ANKS1B: variants seen among roughly 807,000 people sequenced by gnomAD.
ANKS1B encodes the protein ankyrin repeat and sterile alpha motif domain containing 1B.
In ANKS1B, 36 loss-of-function variants were observed where a neutral mutation model predicts 148.3. That is an observed-to-expected ratio of 0.24 (90% CI 0.19 to 0.32). The LOEUF (loss-of-function observed/expected upper bound fraction) is 0.32. ANKS1B is among the 10% of genes least tolerant of loss of function. ANKS1B has a pLI of 1.00. For missense variants in ANKS1B, 1,157 were observed against 1,542.6 expected (o/e 0.75, Z 4.19); for synonymous variants, 542 against 560.8 (o/e 0.97, Z 0.47).
chr12:99,958,181 G>A (rs1218328568), intron 1 of ANKS1B, among the ~76,000 whole-genome samples: 25 of 132,572 alleles, frequency 1.9e-4, no homozygotes, highest in Non-Finnish European at 3.7e-4. Context: ...GGGAGAGACA[G>A]GGGCAGGCAA....
At chr12:99,424,420 C>G (rs1188690003) in intron 11 of ANKS1B, among the ~76,000 whole-genome samples, 1 of 148,540 alleles carries the variant, frequency 6.7e-6, no homozygotes, top group Non-Finnish European at 1.5e-5. Flanking sequence ...AGAATTAACT[C>G]CAGAAATAAA....
chr12:99,614,418 G>C lies in ANKS1B; in HGVS notation c.1272+40649C>G, dbSNP rs564968831. Among the ~76,000 whole-genome samples, 877 of 139,962 alleles carry C rather than the reference G, an allele frequency of 6.3e-3. 8 individuals are homozygous for C. The highest frequency in any genetic ancestry group is 0.022 in the African/African-American group (837 of 38,676). The allele number at this position is 139,962 out of a possible 152,430, so 91.8% of individuals were successfully genotyped here. ...CCACTGCAATCCAGCCTGGGTGACA[G>C]AGTGAGACTCTGTGTCAAAAAGAAA... On this transcript the variant is annotated intron_variant, in intron 9 of 26. Coordinates refer to ENST00000683438, the MANE Select transcript of ANKS1B (RefSeq NM_001352186.2).
chr12:99,948,613 G>C (rs780508534), intron 1 of ANKS1B, among the ~76,000 whole-genome samples: 17 of 152,198 alleles, frequency 1.1e-4, no homozygotes, highest in Non-Finnish European at 2.1e-4. Context: ...TCAGAGGCTG[G>C]AGTAGCTGAC....
intron 9 of ANKS1B, among the ~76,000 whole-genome samples, chr12:99,592,095 T>C (rs543595659): frequency 7.9e-5 from 12 of 152,290 alleles, no homozygotes; most frequent in African/African-American, 2.9e-4. Flanking sequence ...GCTATTATAC[T>C]TTAAGACTGT....
downstream of ANKS1B, chr12:98,743,876 A>T (rs1480989203): frequency 1.8e-6 from 1 of 560,768 alleles, no homozygotes; most frequent in African/African-American, 2.0e-5. Flanking sequence ...GCCAATTAAA[A>T]AAGTCCCTTT....
intron 12 of ANKS1B, among the ~76,000 whole-genome samples, chr12:99,249,772 T>C (rs1342759075): frequency 1.3e-5 from 2 of 152,078 alleles, no homozygotes; most frequent in Non-Finnish European, 2.9e-5. Flanking sequence ...TACCGCTCAA[T>C]CAGACTGCAG....
At chr12:98,929,883 ACTT>A (rs1184344543) in intron 17 of ANKS1B, among the ~76,000 whole-genome samples, 1 of 152,120 alleles carries the variant, frequency 6.6e-6, no homozygotes. Context: ...ATCAGGCATG[ACTT>A]CTTAGCAATG....
chr12:99,444,319 T>C (rs2152799683), intron 10 of ANKS1B, among the ~76,000 whole-genome samples: 1 of 151,936 alleles, frequency 6.6e-6, no homozygotes, highest in African/African-American at 2.4e-5. Context: ...TGAATGAAGC[T>C]TGATGAAAAA....
In ANKS1B at chr12:99,301,560, C is replaced by T. The variant is rs182457925; in HGVS notation, c.1757-54696G>A. ...AAAAGAATTTTACCACTCATTCATT[C>T]ATTCAAAATACATTTATGTATTAAA... On this transcript the variant is annotated intron_variant, in intron 12 of 26. Coordinates refer to ENST00000683438, the MANE Select transcript of ANKS1B (RefSeq NM_001352186.2). Among the ~76,000 whole-genome samples the T allele has an allele frequency of 1.6e-4, 25 of 152,196 alleles. 2 individuals are homozygous for T. The East Asian group carries it at 4.6e-3, about 28-fold the overall frequency.
chr12:99,715,673 GA>G (rs765334159), intron 8 of ANKS1B, among the ~76,000 whole-genome samples: 8 of 152,100 alleles, frequency 5.3e-5, no homozygotes, highest in Non-Finnish European at 1.2e-4. Context: ...TTTGCTCCGT[GA>G]AAAAGATCCA....
chr12:99,825,438 C>A, intron 1 of ANKS1B, 49 bp from the exon 2 acceptor site: 3 of 1,467,758 alleles, frequency 2.0e-6, no homozygotes, highest in South Asian at 2.5e-5. Flanking sequence ...CAGATCTTGC[C>A]TTGAAAAACA....
intron 17 of ANKS1B, among the ~76,000 whole-genome samples, chr12:99,052,765 G>C (rs1472050874): frequency 1.6e-5 from 2 of 126,280 alleles, no homozygotes; most frequent in African/African-American, 5.9e-5. Context: ...AAAAGAAATA[G>C]AGACAAGGAA....
At chr12:99,864,079 CAA>C (rs11445634) in intron 1 of ANKS1B, among the ~76,000 whole-genome samples, 1 of 65,286 alleles carries the variant, frequency 1.5e-5, no homozygotes. Flanking sequence ...GACTACATCT[CAA>C]AAAAAAAAAA....
chr12:99,193,281 A>G (rs150153813), intron 14 of ANKS1B, among the ~76,000 whole-genome samples: 25 of 152,290 alleles, frequency 1.6e-4, no homozygotes, highest in Middle Eastern at 3.4e-3. Context: ...TTTTTCTTCT[A>G]AAGAACATTC....
At chr12:99,354,903 G>T (rs760078054) in intron 12 of ANKS1B, among the ~76,000 whole-genome samples, 1 of 151,858 alleles carries the variant, frequency 6.6e-6, no homozygotes, top group Non-Finnish European at 1.5e-5. Flanking sequence ...CATATCCAAC[G>T]GTGTTTGTAC....
At chr12:98,820,153 G>A (rs538726582) in intron 19 of ANKS1B, among the ~76,000 whole-genome samples, 101 of 152,192 alleles carry the variant, frequency 6.6e-4, no homozygotes, top group Admixed American at 1.1e-3. Flanking sequence ...AATGTGCCAC[G>A]TCCGCTAGTT....
intron 4 of ANKS1B, among the ~76,000 whole-genome samples, chr12:99,796,406 G>A (rs369050353): frequency 6.6e-6 from 1 of 151,952 alleles, no homozygotes; most frequent in Non-Finnish European, 1.5e-5. Flanking sequence ...TTGGGTGGGC[G>A]GCAGGGGTAG....
intron 9 of ANKS1B, among the ~76,000 whole-genome samples, chr12:99,519,993 T>C (rs896383057): frequency 1.3e-5 from 2 of 152,220 alleles, no homozygotes. Flanking sequence ...AACTTCTTGT[T>C]GCTTCTCTTT....
At chr12:99,574,367 T>G (rs539127221) in intron 9 of ANKS1B, among the ~76,000 whole-genome samples, 1 of 152,144 alleles carries the variant, frequency 6.6e-6, no homozygotes, top group East Asian at 1.9e-4. Context: ...AAATCTTCAA[T>G]AGTAAGACAT....
Sources: gnomAD v4.1 joint callset for allele counts (sites outside exome capture counted in the v4.1 genomes callset) on GRCh38, gnomAD v4.1.1 for gene constraint, MANE v1.5 for transcripts, NCBI Gene and HGNC (gene_info 2026-07-23, HGNC 2026-07-21) for gene names.